RPS6KC1: variants seen among roughly 807,000 people sequenced by gnomAD.
RPS6KC1 encodes the protein ribosomal protein S6 kinase C1.
A neutral mutation model predicts 103.8 loss-of-function variants in RPS6KC1; 54 were observed. That is an observed-to-expected ratio of 0.52 (90% CI 0.42 to 0.65). The LOEUF is 0.65. RPS6KC1 is among the 30% of genes least tolerant of loss of function. RPS6KC1 has a pLI of 0.00. For synonymous variants in RPS6KC1, 439 were observed against 438.7 expected (o/e 1.00, Z -0.01); for missense variants, 1,151 against 1,253.8 (o/e 0.92, Z 1.24).
At chr1:213,780,723 C>T in the RPS6KC1 span, among the ~76,000 whole-genome samples, 5 of 152,052 alleles carry the variant, frequency 3.3e-5, no homozygotes, top group African/African-American at 9.7e-5. Flanking sequence ...TTCAAAGGGA[C>T]GAGAATCTAG....
the RPS6KC1 span, among the ~76,000 whole-genome samples, chr1:213,705,450 T>C: frequency 6.6e-6 from 1 of 152,126 alleles, no homozygotes; most frequent in East Asian, 1.9e-4. Context: ...AATGTACCCT[T>C]AAGGCCTAAG....
At chr1:213,639,060 T>C in the RPS6KC1 span, among the ~76,000 whole-genome samples, 7 of 152,098 alleles carry the variant, frequency 4.6e-5, no homozygotes, top group Admixed American at 4.6e-4. Context: ...ATATACTCTG[T>C]ATATGTTTTG....
the RPS6KC1 span, among the ~76,000 whole-genome samples, chr1:213,439,188 A>G: frequency 3.3e-5 from 5 of 152,160 alleles, no homozygotes; most frequent in Non-Finnish European, 5.9e-5. Flanking sequence ...GCTCTAGGTC[A>G]TGTTGCCCCA....
the RPS6KC1 span, among the ~76,000 whole-genome samples, chr1:213,587,547 T>C: frequency 6.6e-6 from 1 of 152,206 alleles, no homozygotes; most frequent in Admixed American, 6.5e-5. Context: ...AACCTAATGC[T>C]TTGGATATTG....
the RPS6KC1 span, among the ~76,000 whole-genome samples, chr1:213,401,210 G>A: frequency 2.0e-5 from 3 of 152,210 alleles, no homozygotes; most frequent in Admixed American, 6.5e-5. Flanking sequence ...CAGAAGGCAC[G>A]TGCTGGGTAC....
chr1:213,519,564 T>C, the RPS6KC1 span, among the ~76,000 whole-genome samples: 1 of 152,330 alleles, frequency 6.6e-6, no homozygotes, highest in African/African-American at 2.4e-5. Flanking sequence ...GCAGTGTACA[T>C]TGTAAAATGA....
the RPS6KC1 span, among the ~76,000 whole-genome samples, chr1:213,325,229 C>T: frequency 2.0e-5 from 3 of 152,166 alleles, no homozygotes; most frequent in East Asian, 3.9e-4. Context: ...TGAGCATCTA[C>T]GGACCCTCAG....
At chr1:213,430,696 C>T in the RPS6KC1 span, among the ~76,000 whole-genome samples, 2 of 152,220 alleles carry the variant, frequency 1.3e-5, no homozygotes, top group Admixed American at 6.5e-5. Flanking sequence ...CTGCATCCCC[C>T]AAGCCCTGTT....
At chr1:213,395,081 G>T in the RPS6KC1 span, among the ~76,000 whole-genome samples, 2 of 152,198 alleles carry the variant, frequency 1.3e-5, no homozygotes, top group Non-Finnish European at 2.9e-5. Flanking sequence ...TCTTGCCCTG[G>T]CTGCCATTGG....
the RPS6KC1 span, among the ~76,000 whole-genome samples, chr1:213,465,911 C>T: frequency 1.3e-5 from 2 of 152,180 alleles, no homozygotes; most frequent in South Asian, 4.1e-4. Context: ...CATTTCCCCA[C>T]TGCCCATACC....
chr1:213,118,867 TTATAATC>T (rs892791337), intron 5 of RPS6KC1, among the ~76,000 whole-genome samples: 2 of 152,108 alleles, frequency 1.3e-5, no homozygotes, highest in East Asian at 1.9e-4. Context: ...TAATTTTACT[TTATAATC>T]TATTATTTTT....
rs74691596 is a variant in RPS6KC1 at position 213,136,857 on chromosome 1, G to A, written c.835+6968G>A. ...TAACAGTGTTGAGTGCAAGAGGTCTGCTTTTTCTTTTAAGAAATATTTTGG... is the reference window on the plus strand; with the variant it reads ...TAACAGTGTTGAGTGCAAGAGGTCTACTTTTTCTTTTAAGAAATATTTTGG... On this transcript the variant is annotated intron_variant, in intron 6 of 14. Transcript: ENST00000366960. Among the ~76,000 whole-genome samples, 1,403 of 152,228 alleles carry A rather than the reference G, an allele frequency of 9.2e-3. 47 individuals are homozygous for A. Among genetic ancestry groups the A allele is most frequent in the East Asian group, 0.069 (359 of 5,182 alleles).
chr1:213,815,098 G>T, the RPS6KC1 span, among the ~76,000 whole-genome samples: 1 of 152,136 alleles, frequency 6.6e-6, no homozygotes, highest in African/African-American at 2.4e-5. Flanking sequence ...TGCTGTTCTC[G>T]TGATAGTGAG....
At chr1:213,412,531 C>T in the RPS6KC1 span, among the ~76,000 whole-genome samples, 35 of 152,330 alleles carry the variant, frequency 2.3e-4, no homozygotes, top group African/African-American at 6.0e-4. Context: ...CATTTTGTAG[C>T]GGTCCCTGCT....
At chr1:213,616,009 T>C in the RPS6KC1 span, among the ~76,000 whole-genome samples, 2 of 152,222 alleles carry the variant, frequency 1.3e-5, no homozygotes, top group Non-Finnish European at 2.9e-5. Context: ...AAACCCCTCA[T>C]GGGGCAAGTG....
chr1:213,514,917 C>T, the RPS6KC1 span, among the ~76,000 whole-genome samples: 5 of 152,188 alleles, frequency 3.3e-5, no homozygotes, highest in Non-Finnish European at 5.9e-5. Flanking sequence ...TAATGATCGC[C>T]ATTCTAACTG....
At chr1:213,841,670 C>T in the RPS6KC1 span, among the ~76,000 whole-genome samples, 3 of 152,154 alleles carry the variant, frequency 2.0e-5, no homozygotes, top group Non-Finnish European at 4.4e-5. Flanking sequence ...TGCACAAGGG[C>T]AAGATTCCAT....
chr1:213,432,591 C>G, the RPS6KC1 span, among the ~76,000 whole-genome samples: 2 of 152,120 alleles, frequency 1.3e-5, no homozygotes, highest in Non-Finnish European at 2.9e-5. Context: ...CCCCCAAAAG[C>G]TTCCTTGTGT....
At chr1:213,555,400 A>G in the RPS6KC1 span, among the ~76,000 whole-genome samples, 1 of 152,210 alleles carries the variant, frequency 6.6e-6, no homozygotes, top group Non-Finnish European at 1.5e-5. Flanking sequence ...CTGCCATTTT[A>G]TGCACTTTGC....
Sources: gnomAD v4.1 joint callset for allele counts (sites outside exome capture counted in the v4.1 genomes callset) on GRCh38, gnomAD v4.1.1 for gene constraint, MANE v1.5 for transcripts, NCBI Gene and HGNC (gene_info 2026-07-23, HGNC 2026-07-21) for gene names.